The following AOPEP variants were observed in gnomAD, a reference collection of about 807,000 sequenced individuals.
AOPEP encodes aminopeptidase O (putative).
Under a neutral mutation model 98.1 loss-of-function variants are expected in AOPEP, and 77 were observed. The ratio of observed to expected loss-of-function variants is 0.78; its 90% CI spans 0.65 to 0.95. The LOEUF (loss-of-function observed/expected upper bound fraction) is 0.95, where lower values mean the gene tolerates loss of function less well. AOPEP is among the 40% of genes least tolerant of loss of function. The probability of loss-of-function intolerance (pLI) is 0.00; values close to 1 mark genes in which losing one functional copy is unlikely to be tolerated. For synonymous variants in AOPEP, 346 were observed against 365.3 expected (o/e 0.95, Z 0.60); for missense variants, 1,024 against 1,024.7 (o/e 1.00, Z 0.01).
At chr9:95,009,199 T>A (rs1480281395) in intron 13 of AOPEP, among the ~76,000 whole-genome samples, 1 of 152,114 alleles carries the variant, frequency 6.6e-6, no homozygotes, top group Non-Finnish European at 1.5e-5. Flanking sequence ...GGAAGAGGAA[T>A]GCACTTTTTT....
chr9:94,948,317 C>G (rs774973057), intron 7 of AOPEP, among the ~76,000 whole-genome samples: 8 of 151,928 alleles, frequency 5.3e-5, no homozygotes, highest in Non-Finnish European at 1.0e-4. Context: ...AAACAACTAC[C>G]ATATGCTCAC....
chr9:94,776,013 TTA>T (rs1044502743), intron 3 of AOPEP, among the ~76,000 whole-genome samples: 1 of 151,668 alleles, frequency 6.6e-6, no homozygotes, highest in Admixed American at 6.6e-5. Flanking sequence ...AATAAAATTT[TTA>T]TATTTAAAAA....
chr9:94,998,676 T>C (rs1363318134), intron 11 of AOPEP, among the ~76,000 whole-genome samples: 1 of 152,226 alleles, frequency 6.6e-6, no homozygotes, highest in East Asian at 1.9e-4. Context: ...CCTTGCTGTA[T>C]TACTGCGTTG....
Position 94,800,829 on chromosome 9 carries a change from C to G in AOPEP, c.1191C>G (p.Ile397Met). The change falls in exon 5 of 17, where the codon ATC becomes ATG. Residue 397 changes from isoleucine (I) to methionine (M), a missense_variant. Physicochemically the swap from Ile to Met is conservative, Grantham distance 10. This residue lies in a region of AOPEP where 566 missense variants were observed against 551.7 expected (regional missense o/e 1.03). Coordinates refer to ENST00000375315, the MANE Select transcript of AOPEP (RefSeq NM_001193329.3). ...ATGCTTCTGCCACCACCCAGGAGAT[C>G]ATTCCTCATCGGGTCTTTGCCCCTG... ...FQNASATTQE[I>M]IPHRVFAPVC... 2 of 1,614,198 alleles carry G rather than the reference C, an allele frequency of 1.2e-6. No homozygotes were observed. The highest frequency in any genetic ancestry group is 1.7e-6 in the Non-Finnish European group (2 of 1,180,014).
At chr9:95,117,350 G>T in the AOPEP span, 1 of 1,614,066 alleles carries the variant, frequency 6.2e-7, no homozygotes, top group Non-Finnish European at 8.5e-7. Flanking sequence ...GGCAAGAGAT[G>T]GAGAAGTGTA....
At chr9:94,959,704 T>A (rs1388115110) in intron 9 of AOPEP, among the ~76,000 whole-genome samples, 1 of 152,210 alleles carries the variant, frequency 6.6e-6, no homozygotes, top group East Asian at 1.9e-4. Context: ...GAAATACCTA[T>A]AATTAATATT....
rs774669909 is a variant in AOPEP at position 94,760,377 on chromosome 9, T to C, written c.594T>C (p.Arg198=). The C allele has an allele frequency of 1.9e-6, 3 of 1,614,082 alleles. No individual in the cohort carries two copies. Among genetic ancestry groups the C allele is most frequent in the South Asian group, 1.1e-5 (1 of 91,068 alleles). The change falls in exon 2 of 17, where the codon CGT becomes CGC. Residue 198 remains arginine, a synonymous_variant. Transcript: ENST00000375315. Reference sequence around the variant, plus strand: ...AACTTGTGACTTTGCCTGCAAATCGTTGGAGGGAGCAGTTAGACTATTACG... The same window carrying C: ...AACTTGTGACTTTGCCTGCAAATCGCTGGAGGGAGCAGTTAGACTATTACG... ...VRELVTLPAN[R]WREQLDYYAR...
intron 11 of AOPEP, among the ~76,000 whole-genome samples, chr9:95,001,567 A>C (rs1323216704): frequency 6.6e-6 from 1 of 152,198 alleles, no homozygotes; most frequent in East Asian, 1.9e-4. Context: ...CCTGTGAAGA[A>C]GGGGAGATTC....
intron 13 of AOPEP, among the ~76,000 whole-genome samples, chr9:95,037,283 G>T (rs886152979): frequency 6.6e-6 from 1 of 151,952 alleles, no homozygotes; most frequent in Non-Finnish European, 1.5e-5. Flanking sequence ...TTTATCTTAA[G>T]AACTCTTTCT....
chr9:94,781,549 T>G lies in AOPEP; in HGVS notation c.964+8381T>G, dbSNP rs1216944592. ...TTCTTCTAGTAATTTTTTGTTTAGTTTTTTTTTTTTTTAATTAATTAATTT... is the reference window on the plus strand; with the variant it reads ...TTCTTCTAGTAATTTTTTGTTTAGTGTTTTTTTTTTTTAATTAATTAATTT... On this transcript the variant is annotated intron_variant, in intron 3 of 16. Coordinates refer to ENST00000375315, the MANE Select transcript of AOPEP (RefSeq NM_001193329.3). 3.6e-3 allele frequency among the ~76,000 whole-genome samples: 3 copies of G among 832 alleles called. No individual in the cohort carries two copies. The East Asian group carries it at 0.3, about 83-fold the overall frequency. The allele number at this position is 832 out of a possible 152,430, so 0.5% of individuals were successfully genotyped here. A position where few individuals can be genotyped will look rare whatever the true frequency, so the allele number is the denominator to read the frequency against.
chr9:95,147,522 A>C, the AOPEP span, among the ~76,000 whole-genome samples: 1 of 152,196 alleles, frequency 6.6e-6, no homozygotes, highest in South Asian at 2.1e-4. Context: ...GTCTCAAAAA[A>C]GAAAAGAAAA....
intron 3 of AOPEP, among the ~76,000 whole-genome samples, chr9:94,775,661 A>C (rs1039456037): frequency 2.0e-5 from 3 of 151,088 alleles, no homozygotes; most frequent in Non-Finnish European, 4.4e-5. Context: ...CACTGCGCCC[A>C]GCCTTACTTG....
chr9:95,105,520 G>A, the AOPEP span, among the ~76,000 whole-genome samples: 11 of 152,190 alleles, frequency 7.2e-5, no homozygotes, highest in Admixed American at 3.9e-4. Context: ...TTTAAATTGT[G>A]GTAAAATATA....
chr9:94,925,152 C>T (rs898615403), intron 6 of AOPEP, among the ~76,000 whole-genome samples: 2 of 152,178 alleles, frequency 1.3e-5, no homozygotes, highest in African/African-American at 4.8e-5. Flanking sequence ...TCACCATGCC[C>T]AGCTAATTTT....
chr9:94,958,792 T>C (rs576916639), intron 9 of AOPEP, among the ~76,000 whole-genome samples: 45 of 152,338 alleles, frequency 3.0e-4, no homozygotes, highest in African/African-American at 9.4e-4. Flanking sequence ...ATCAGAGATA[T>C]GATTTTCAAA....
At chr9:95,093,972 A>C in the AOPEP span, among the ~76,000 whole-genome samples, 1 of 152,320 alleles carries the variant, frequency 6.6e-6, no homozygotes, top group African/African-American at 2.4e-5. Context: ...TGAAGTGGAC[A>C]GCAGGCCCGG....
intron 13 of AOPEP, among the ~76,000 whole-genome samples, chr9:95,048,495 A>G (rs1373999791): frequency 3.3e-5 from 5 of 151,994 alleles, no homozygotes; most frequent in Non-Finnish European, 5.9e-5. Flanking sequence ...GGCGGCCGAG[A>G]TACTCACGGG....
chr9:94,797,126 T>A (rs923908034), intron 4 of AOPEP, among the ~76,000 whole-genome samples: 2 of 152,168 alleles, frequency 1.3e-5, no homozygotes, highest in Non-Finnish European at 1.5e-5. Context: ...TATGGAAGAC[T>A]ATTACTTTGT....
chr9:94,847,996 G>T (rs1395319234), intron 5 of AOPEP, among the ~76,000 whole-genome samples: 1 of 152,166 alleles, frequency 6.6e-6, no homozygotes, highest in Non-Finnish European at 1.5e-5. Context: ...TTAATGTTCA[G>T]GTCCACACTA....
Sources: gnomAD v4.1 joint callset for allele counts (sites outside exome capture counted in the v4.1 genomes callset) on GRCh38, gnomAD v4.1.1 for gene constraint, gnomAD v4.1.1 regional missense constraint, MANE v1.5 for transcripts, NCBI Gene and HGNC (gene_info 2026-07-23, HGNC 2026-07-21) for gene names.